Variants in RTL4 observed in about 807,000 individuals in gnomAD.
RTL4 encodes retrotransposon Gag like 4.
RTL4 carries 4 observed loss-of-function variants against 5.3 expected under a neutral mutation model. That is an observed-to-expected ratio of 0.75 (90% CI 0.37 to 1.72). The LOEUF (loss-of-function observed/expected upper bound fraction) is 1.72, where lower values mean the gene tolerates loss of function less well. Among genes scored for constraint, RTL4 ranks in the 40% most tolerant of loss-of-function variants. RTL4 has a pLI of 0.04. For missense variants in RTL4, 260 were observed against 227.1 expected (o/e 1.14, Z -0.93); for synonymous variants, 98 against 87.3 (o/e 1.12, Z -0.68).
the RTL4 span, among the ~76,000 whole-genome samples, chrX:112,133,597 G>T: frequency 9.0e-6 from 1 of 111,613 alleles, no homozygotes; most frequent in African/African-American, 3.3e-5. Flanking sequence ...ATAGTCAAAA[G>T]AATGTGATTT....
the RTL4 span, among the ~76,000 whole-genome samples, chrX:112,360,384 T>C: frequency 9.0e-6 from 1 of 111,060 alleles, no homozygotes; most frequent in African/African-American, 3.3e-5. Flanking sequence ...AGATATGTTA[T>C]TTAGGAGTTT....
the RTL4 span, among the ~76,000 whole-genome samples, chrX:112,269,969 G>C: frequency 1.8e-5 from 2 of 112,400 alleles, no homozygotes; most frequent in East Asian, 5.6e-4. Context: ...TGTGGCATAA[G>C]CAGGATTAAT....
the RTL4 span, among the ~76,000 whole-genome samples, chrX:112,276,814 A>G: frequency 8.9e-6 from 1 of 111,940 alleles, no homozygotes; most frequent in Non-Finnish European, 1.9e-5. Context: ...TAAACTGGTC[A>G]TTTGTTTTCA....
the RTL4 span, among the ~76,000 whole-genome samples, chrX:112,400,733 G>A: frequency 8.9e-6 from 1 of 112,023 alleles, no homozygotes; most frequent in Admixed American, 9.5e-5. Context: ...TTAATAGGTG[G>A]AATATTGCAG....
the RTL4 span, among the ~76,000 whole-genome samples, chrX:112,211,873 A>T: frequency 8.9e-6 from 1 of 112,145 alleles, no homozygotes; most frequent in African/African-American, 3.2e-5. Flanking sequence ...ATGATGAAAC[A>T]AATAAAATAA....
chrX:112,301,322 T>C, the RTL4 span, among the ~76,000 whole-genome samples: 3 of 112,216 alleles, frequency 2.7e-5, no homozygotes, highest in Non-Finnish European at 5.6e-5. Flanking sequence ...AGTTTACTCA[T>C]TTGTAAAATG....
At chrX:112,328,221 A>G in the RTL4 span, among the ~76,000 whole-genome samples, 13 of 110,738 alleles carry the variant, frequency 1.2e-4, no homozygotes, top group African/African-American at 3.6e-4. Flanking sequence ...CAAATTGGAT[A>G]AAGAGTCAAG....
chrX:112,211,158 CATAA>C, the RTL4 span, among the ~76,000 whole-genome samples: 1 of 112,018 alleles, frequency 8.9e-6, no homozygotes, highest in African/African-American at 3.2e-5. Context: ...AGCTCACAGT[CATAA>C]ATAGACAACT....
chrX:112,441,378 C>T, the RTL4 span, among the ~76,000 whole-genome samples: 1 of 111,304 alleles, frequency 9.0e-6, no homozygotes, highest in Non-Finnish European at 1.9e-5. Context: ...TCCCTACCCC[C>T]GATTAAGCTT....
At chrX:112,366,988 G>A in the RTL4 span, among the ~76,000 whole-genome samples, 4 of 111,282 alleles carry the variant, frequency 3.6e-5, no homozygotes, top group Non-Finnish European at 7.6e-5. Flanking sequence ...CACCTTTGAG[G>A]AAGCTTCTCC....
the RTL4 span, among the ~76,000 whole-genome samples, chrX:112,175,682 C>T: frequency 6.2e-4 from 69 of 111,478 alleles, no homozygotes; most frequent in African/African-American, 2.2e-3. Context: ...TTCAACAACG[C>T]TTCATGCTAA....
At chrX:112,099,983 A>G in the RTL4 span, among the ~76,000 whole-genome samples, 1 of 112,070 alleles carries the variant, frequency 8.9e-6, no homozygotes, top group Non-Finnish European at 1.9e-5. Flanking sequence ...GTAGACATTA[A>G]CCAAAATGAA....
the RTL4 span, among the ~76,000 whole-genome samples, chrX:112,096,087 T>A: frequency 8.9e-6 from 1 of 112,184 alleles, no homozygotes; most frequent in African/African-American, 3.2e-5. Context: ...CAAGCTTGAA[T>A]TTTGGCTCCA....
At chrX:112,409,809 G>A in the RTL4 span, among the ~76,000 whole-genome samples, 1 of 110,407 alleles carries the variant, frequency 9.1e-6, no homozygotes, top group East Asian at 2.8e-4. Flanking sequence ...AAGAAGGGAA[G>A]AAGGAAGAGA....
the RTL4 span, among the ~76,000 whole-genome samples, chrX:112,175,940 T>A: frequency 9.0e-6 from 1 of 110,669 alleles, no homozygotes; most frequent in East Asian, 2.8e-4. Flanking sequence ...AGTCAAATTG[T>A]CCCTGTTTGC....
chrX:112,275,411 C>T, the RTL4 span, among the ~76,000 whole-genome samples: 1 of 111,390 alleles, frequency 9.0e-6, no homozygotes, highest in African/African-American at 3.3e-5. Flanking sequence ...TGATGGTGGA[C>T]TCTTTTACCA....
At chrX:112,164,960 C>T in the RTL4 span, among the ~76,000 whole-genome samples, 2 of 112,006 alleles carry the variant, frequency 1.8e-5, no homozygotes, top group African/African-American at 6.5e-5. Context: ...ACTTCATCTC[C>T]AGCCAGGTTT....
chrX:112,196,714 A>C, the RTL4 span, among the ~76,000 whole-genome samples: 1 of 111,413 alleles, frequency 9.0e-6, no homozygotes, highest in South Asian at 3.8e-4. Context: ...TTTAATTTGC[A>C]TTTCCCTGAT....
chrX:112,303,931 T>A, the RTL4 span, among the ~76,000 whole-genome samples: 1 of 111,098 alleles, frequency 9.0e-6, no homozygotes, highest in African/African-American at 3.3e-5. Context: ...CCACCCACCA[T>A]CTAGTACTTG....
Sources: gnomAD v4.1 joint callset for allele counts (sites outside exome capture counted in the v4.1 genomes callset) on GRCh38, gnomAD v4.1.1 for gene constraint, MANE v1.5 for transcripts, NCBI Gene and HGNC (gene_info 2026-07-23, HGNC 2026-07-21) for gene names.